Variants in PLXNA4 observed in about 807,000 individuals in gnomAD.
PLXNA4 encodes plexin A4.
In PLXNA4, 44 loss-of-function variants were observed where a neutral mutation model predicts 191.8. The ratio of observed to expected loss-of-function variants is 0.23; its 90% CI spans 0.18 to 0.29. PLXNA4 has a LOEUF of 0.29. Among genes scored for constraint, PLXNA4 ranks in the 10% least tolerant of loss-of-function variants. PLXNA4 has a pLI of 1.00. For missense variants in PLXNA4, 1,800 were observed against 2,488.8 expected (o/e 0.72, Z 5.89); for synonymous variants, 1,082 against 1,009.5 (o/e 1.07, Z -1.36).
At chr7:132,237,886 A>G (rs1032686490) in intron 5 of PLXNA4, among the ~76,000 whole-genome samples, 3 of 152,226 alleles carry the variant, frequency 2.0e-5, no homozygotes, top group Non-Finnish European at 1.5e-5. Flanking sequence ...CGTACAGGGC[A>G]GTGAAAAATT....
rs1422169672 is a variant in PLXNA4 at position 132,241,120 on chromosome 7, C to T, written c.1550G>A (p.Gly517Asp). 6.2e-7 allele frequency: 1 copy of T among 1,613,346 alleles called. No individual in the cohort carries two copies. Among genetic ancestry groups the T allele is most frequent in the Non-Finnish European group, 8.5e-7 (1 of 1,179,458 alleles). ...GGGGTCGCCTGAGCCAAGGCACTCG[C>T]CGCAGCTCTGATACTGACCACAGGA... The part of the protein sequence containing the change: ...VESCGQYQSC[G>D]ECLGSGDPHC... Residue 517 changes from glycine to aspartate, a missense_variant, in exon 5 of 32, where the codon GGC becomes GAC. This residue lies in a region of PLXNA4 where 1,397 missense variants were observed against 1,880.4 expected (regional missense o/e 0.74). Transcript: ENST00000321063.
chr7:132,501,036 C>A (rs2117607565), intron 2 of PLXNA4, among the ~76,000 whole-genome samples: 1 of 152,258 alleles, frequency 6.6e-6, no homozygotes, highest in South Asian at 2.1e-4. Context: ...GGTCTATGTG[C>A]CCATTGAACA....
At chr7:132,316,341 G>A (rs1489217615) in intron 3 of PLXNA4, among the ~76,000 whole-genome samples, 1 of 150,966 alleles carries the variant, frequency 6.6e-6, no homozygotes, top group Non-Finnish European at 1.5e-5. Context: ...CAGAGTTTGG[G>A]AAAACCTTGA....
intron 3 of PLXNA4, among the ~76,000 whole-genome samples, chr7:132,318,211 C>T (rs370901317): frequency 5.3e-5 from 8 of 152,224 alleles, no homozygotes; most frequent in African/African-American, 1.9e-4. Flanking sequence ...GGAGTTGGAG[C>T]CCTTCCTAGC....
At chr7:132,366,138 G>A (rs1020876797) in intron 3 of PLXNA4, 1 of 152,222 alleles carries the variant, frequency 6.6e-6, no homozygotes, top group Non-Finnish European at 1.5e-5. Context: ...CCAGAGGTGA[G>A]AGCCTCAGTT....
rs1269653217 is a variant in PLXNA4 at position 132,228,369 on chromosome 7, A to G, written c.1705T>C (p.Ser569Pro). The G allele has an allele frequency of 6.2e-7, 1 of 1,613,918 alleles. No individual in the cohort carries two copies. Among genetic ancestry groups the G allele is most frequent in the Non-Finnish European group, 8.5e-7 (1 of 1,179,992 alleles). ...VRLTVHPNNI[S>P]VSQYNVLLVL... ...ACCAGCACGTTGTACTGAGAGACGGAGATATTGTTGGGATGGACCGTCAGC... is the reference window on the plus strand; with the variant it reads ...ACCAGCACGTTGTACTGAGAGACGGGGATATTGTTGGGATGGACCGTCAGC... Residue 569 changes from serine (S) to proline (P), a missense_variant, in exon 6 of 32, where the codon TCC (serine) becomes CCC (proline). This residue lies in a region of PLXNA4 where 1,397 missense variants were observed against 1,880.4 expected (regional missense o/e 0.74). Coordinates refer to ENST00000321063, the MANE Select transcript of PLXNA4 (RefSeq NM_020911.2).
Position 132,227,434 on chromosome 7 carries a change from G to C in PLXNA4, c.1882+17C>G, listed in dbSNP as rs62464984. 1 of 1,613,944 alleles carries C rather than the reference G, an allele frequency of 6.2e-7. No individual in the cohort carries two copies. Among genetic ancestry groups the C allele is most frequent in the African/African-American group, 1.3e-5 (1 of 74,928 alleles). ...GGAGGAAGAAGTGCCACTCAGCTGT[G>C]CCTCCGGGATGCTCACCATTCTCTG... On this transcript the variant is annotated intron_variant, in intron 7 of 31. Coordinates refer to ENST00000321063, the MANE Select transcript of PLXNA4 (RefSeq NM_020911.2).
intron 4 of PLXNA4, among the ~76,000 whole-genome samples, chr7:132,271,871 G>C (rs1446205765): frequency 6.6e-6 from 1 of 152,200 alleles, no homozygotes; most frequent in African/African-American, 2.4e-5. Context: ...AAATTACGTG[G>C]TGGTAAAAGG....
intron 2 of PLXNA4, among the ~76,000 whole-genome samples, chr7:132,597,686 A>T (rs1259479679): frequency 6.6e-6 from 1 of 152,208 alleles, no homozygotes; most frequent in East Asian, 1.9e-4. Context: ...GTTAAGGTTA[A>T]TGAGGGTCTT....
At chr7:132,351,993 A>T (rs1803507581) in intron 3 of PLXNA4, among the ~76,000 whole-genome samples, 1 of 152,208 alleles carries the variant, frequency 6.6e-6, no homozygotes, top group Non-Finnish European at 1.5e-5. Flanking sequence ...CCACTTACAG[A>T]GTGCTATTTT....
At chr7:132,356,938 G>A (rs776791118) in intron 3 of PLXNA4, among the ~76,000 whole-genome samples, 11 of 152,020 alleles carry the variant, frequency 7.2e-5, no homozygotes, top group Non-Finnish European at 1.2e-4. Flanking sequence ...TCTAATTAGA[G>A]GATGAGGAAG....
At chr7:132,552,403 C>T (rs535131855) in intron 1 of PLXNA4, among the ~76,000 whole-genome samples, 3 of 152,278 alleles carry the variant, frequency 2.0e-5, no homozygotes, top group South Asian at 4.1e-4. Flanking sequence ...TCTTACCCCC[C>T]TTCAAAAATT....
intron 3 of PLXNA4, among the ~76,000 whole-genome samples, chr7:132,414,467 C>A (rs767135466): frequency 6.6e-6 from 1 of 152,028 alleles, no homozygotes; most frequent in Non-Finnish European, 1.5e-5. Flanking sequence ...GGAGAGACTG[C>A]GGTAAACCTA....
chr7:132,588,672 AAGGGAAG>A (rs1802547092), intron 2 of PLXNA4, among the ~76,000 whole-genome samples: 3 of 115,118 alleles, frequency 2.6e-5, no homozygotes, highest in African/African-American at 1.0e-4. Flanking sequence ...AAGGGAAGGG[AAGGGAAG>A]GGAGGAGGGA....
chr7:132,643,416 C>G (rs1277185742), intron 2 of PLXNA4, among the ~76,000 whole-genome samples: 1 of 151,934 alleles, frequency 6.6e-6, no homozygotes, highest in African/African-American at 2.4e-5. Flanking sequence ...ACTTGACCCC[C>G]CAGCCCCCAC....
intron 2 of PLXNA4, among the ~76,000 whole-genome samples, chr7:132,606,544 A>C (rs1284297833): frequency 6.6e-6 from 1 of 152,246 alleles, no homozygotes; most frequent in Non-Finnish European, 1.5e-5. Context: ...TGTTTCTCGT[A>C]GGCTAAATCG....
At chr7:132,409,336 C>A (rs922439413) in intron 3 of PLXNA4, among the ~76,000 whole-genome samples, 7 of 152,292 alleles carry the variant, frequency 4.6e-5, no homozygotes, top group Non-Finnish European at 8.8e-5. Context: ...TGTCCTATAA[C>A]CCCCTATGGC....
rs763518657 is a variant in PLXNA4 at position 132,508,441 on chromosome 7, C to T, written c.253G>A (p.Glu85Lys). The T allele has an allele frequency of 3.1e-6, 5 of 1,614,220 alleles. No individual in the cohort carries two copies. Among genetic ancestry groups the T allele is most frequent in the Non-Finnish European group, 4.2e-6 (5 of 1,180,036 alleles). ...GGGTTGTCCTCGTCCGGCCCTGTCT[C>T]ATGCGTCACCAAGACCTTCAGGTCG... ...SSDLKVLVTH[E>K]TGPDEDNPKC... The change falls in exon 2 of 32, where the codon GAG becomes AAG. Residue 85 changes from glutamate to lysine, a missense_variant. Glu to Lys is a moderately conservative substitution (Grantham distance 56). Coordinates refer to ENST00000321063, the MANE Select transcript of PLXNA4 (RefSeq NM_020911.2). The surrounding 1 kb of genome is among the most constrained non-coding windows in gnomAD (Gnocchi z 4.4).
At position 132,178,839 on chromosome 7, in the gene PLXNA4, CAT is replaced by C. The variant is rs142473480; in HGVS notation, c.3874+846_3874+847del. Among the ~76,000 whole-genome samples, 63 of 78,988 alleles carry C rather than the reference CAT, an allele frequency of 8.0e-4. 6 individuals are homozygous for C. The highest frequency in any genetic ancestry group is 2.6e-3 in the African/African-American group (30 of 11,324). The allele number at this position is 78,988 out of a possible 152,430, so 51.8% of individuals were successfully genotyped here. A position where few individuals can be genotyped will look rare whatever the true frequency, so the allele number is the denominator to read the frequency against. On this transcript the variant is annotated intron_variant, in intron 20 of 31. Transcript: ENST00000321063. Reference sequence around the variant, plus strand: ...TGTAAATGAAACACATACACATACACATATATACACACACACACACACACACA... The same window carrying C: ...TGTAAATGAAACACATACACATACACATATACACACACACACACACACACA...
Sources: allele counts gnomAD v4.1 joint callset (sites outside exome capture counted in the v4.1 genomes callset), GRCh38; gene constraint gnomAD v4.1.1; regional missense constraint gnomAD v4.1.1; non-coding constraint Gnocchi (gnomAD v3.1); transcripts MANE v1.5; gene names NCBI Gene and HGNC (gene_info 2026-07-23, HGNC 2026-07-21).